ZNF808: variants seen among roughly 807,000 people sequenced by gnomAD.
ZNF808 encodes zinc finger protein 808.
In ZNF808, 5 loss-of-function variants were observed where a neutral mutation model predicts 8.7. The observed-to-expected ratio is 0.58, with a 90% CI of 0.30 to 1.21. ZNF808 has a LOEUF of 1.21. Ranked by LOEUF, ZNF808 falls within the 50% of genes most tolerant of loss-of-function variation. ZNF808 has a pLI of 0.07. For missense variants in ZNF808, 1,103 were observed against 1,098.4 expected, an observed-to-expected ratio of 1.00 and a Z score of -0.06; for synonymous variants, 380 against 366.0, an observed-to-expected ratio of 1.04 and a Z score of -0.44.
At position 52,553,674 on chromosome 19, in the gene ZNF808, A is replaced by T. The variant is rs748881965; in HGVS notation, c.758A>T (p.His253Leu). The T allele has an allele frequency of 6.2e-7, 1 of 1,614,078 alleles. No homozygotes were observed. The highest frequency in any genetic ancestry group is 1.3e-5 in the African/African-American group (1 of 74,946). Reference protein sequence around the residue: ...SSLLRKHQIPHLGDKQYKCDV... With the variant: ...SSLLRKHQIPLLGDKQYKCDV... ...CTCTTAAGGAAACACCAGATACCCC[A>T]TTTAGGAGACAAACAATATAAATGT... Residue 253 changes from histidine (H) to leucine (L), a missense_variant, in exon 5 of 5, where the codon CAT becomes CTT. Physicochemically the swap from His to Leu is moderately conservative, Grantham distance 99. Transcript: ENST00000359798.
intron 4 of ZNF808, among the ~76,000 whole-genome samples, chr19:52,552,011 T>C (rs919125757): frequency 7.3e-5 from 11 of 151,294 alleles, no homozygotes; most frequent in African/African-American, 2.4e-4. Context: ...ACAATAAAAA[T>C]GGAAACAAAT....
At chr19:52,564,884 A>G (rs945179719), downstream of ZNF808, among the ~76,000 whole-genome samples, 1 of 152,106 alleles carries the variant, frequency 6.6e-6, no homozygotes, top group African/African-American at 2.4e-5. Context: ...CGGGAGATTG[A>G]GACCATCCTG....
intron 4 of ZNF808, among the ~76,000 whole-genome samples, chr19:52,552,273 T>C (rs559194016): frequency 6.8e-4 from 103 of 152,136 alleles, no homozygotes; most frequent in African/African-American, 2.2e-3. Flanking sequence ...CTTCTCGGCC[T>C]CCCAAAGTGC....
intron 3 of ZNF808, among the ~76,000 whole-genome samples, chr19:52,544,419 C>T (rs367975328): frequency 1.3e-5 from 2 of 151,964 alleles, no homozygotes; most frequent in Admixed American, 6.6e-5. Flanking sequence ...CAACCTCCCC[C>T]TCCCAGTTTC....
intron 3 of ZNF808, among the ~76,000 whole-genome samples, chr19:52,544,769 G>A (rs1477319731): frequency 6.6e-6 from 1 of 152,098 alleles, no homozygotes; most frequent in African/African-American, 2.4e-5. Context: ...CCAAATGGGA[G>A]ACAGCCAGCT....
At chr19:52,561,577 C>A (rs1375803871) in intron 3 of ZNF808, among the ~76,000 whole-genome samples, 1 of 147,752 alleles carries the variant, frequency 6.8e-6, no homozygotes, top group African/African-American at 2.5e-5. Context: ...GACGGAGTTT[C>A]GTTCTTGTTT....
intron 1 of ZNF808, among the ~76,000 whole-genome samples, chr19:52,530,429 A>G (rs1274395020): frequency 6.6e-6 from 1 of 151,132 alleles, no homozygotes; most frequent in Non-Finnish European, 1.5e-5. Context: ...GTTGGGAGAC[A>G]GAGGTGGGTG....
downstream of ZNF808, among the ~76,000 whole-genome samples, chr19:52,559,629 C>T (rs904913586): frequency 2.6e-5 from 4 of 152,116 alleles, no homozygotes; most frequent in Non-Finnish European, 4.4e-5. Flanking sequence ...ACGAGAAATG[C>T]CCACAGGTGT....
At chr19:52,534,724 A>G (rs535623822) in intron 2 of ZNF808, among the ~76,000 whole-genome samples, 2 of 151,954 alleles carry the variant, frequency 1.3e-5, no homozygotes, top group African/African-American at 2.4e-5. Context: ...CCCCGTCTCT[A>G]CCAAAAATAT....
intron 2 of ZNF808, among the ~76,000 whole-genome samples, chr19:52,537,958 TG>T (rs2059629431): frequency 6.9e-6 from 1 of 144,978 alleles, no homozygotes; most frequent in Non-Finnish European, 1.5e-5. Context: ...TTTCCCATGG[TG>T]GGGTAGGAAG....
chr19:52,536,996 G>A (rs1458279882), intron 2 of ZNF808, among the ~76,000 whole-genome samples: 3 of 130,702 alleles, frequency 2.3e-5, no homozygotes, highest in Non-Finnish European at 4.7e-5. Context: ...AGACCAGCCT[G>A]ACCAACATGG....
At position 52,555,045 on chromosome 19, in the gene ZNF808, A is replaced by G. The variant is rs771661300; in HGVS notation, c.2129A>G (p.Asn710Ser). 14 of 1,613,882 alleles carry G rather than the reference A, an allele frequency of 8.7e-6. No homozygotes were observed. The highest frequency in any genetic ancestry group is 1.2e-5 in the Non-Finnish European group (14 of 1,180,006). ...IHSGMKPYKC[N>S]ECSKTFSNRS... is the part of the protein sequence containing the mutation. The stretch of plus-strand genomic sequence containing the variant: ...AGTGGAATGAAACCTTACAAGTGTA[A>G]TGAGTGCAGCAAGACCTTCAGTAAC... The change falls in exon 5 of 5, where the codon AAT (asparagine) becomes AGT (serine). Residue 710 changes from asparagine (N) to serine (S), a missense_variant. Transcript: ENST00000359798.
At chr19:52,548,685 A>C (rs1415852000) in intron 4 of ZNF808, among the ~76,000 whole-genome samples, 2 of 152,160 alleles carry the variant, frequency 1.3e-5, no homozygotes, top group African/African-American at 4.8e-5. Context: ...TTGGATTCCC[A>C]AAGTGCTGGG....
At chr19:52,537,498 G>A (rs2059624927) in intron 2 of ZNF808, among the ~76,000 whole-genome samples, 2 of 152,052 alleles carry the variant, frequency 1.3e-5, no homozygotes, top group Non-Finnish European at 2.9e-5. Flanking sequence ...ACCAGCCTAG[G>A]CAAAATAGAC....
chr19:52,537,881 T>A (rs1221217401), intron 2 of ZNF808, among the ~76,000 whole-genome samples: 1 of 152,212 alleles, frequency 6.6e-6, no homozygotes, highest in Non-Finnish European at 1.5e-5. Context: ...TATCAGAGGT[T>A]AGCTTCCACT....
intron 2 of ZNF808, among the ~76,000 whole-genome samples, chr19:52,535,625 G>A (rs911730879): frequency 2.0e-5 from 3 of 152,220 alleles, no homozygotes; most frequent in Non-Finnish European, 2.9e-5. Flanking sequence ...TGAGCACAGG[G>A]TGGACCCTCC....
chr19:52,530,349 C>T (rs2059550254), intron 1 of ZNF808, among the ~76,000 whole-genome samples: 1 of 152,102 alleles, frequency 6.6e-6, no homozygotes, highest in Non-Finnish European at 1.5e-5. Flanking sequence ...CGTGAGCCAC[C>T]ACTCTCAACC....
At chr19:52,547,732 C>T (rs1254497428) in intron 4 of ZNF808, 94 bp downstream of exon 4, 11 of 1,471,554 alleles carry the variant, frequency 7.5e-6, no homozygotes, top group Non-Finnish European at 3.6e-6. Context: ...TTGCCCCATC[C>T]ATGCTGGTTT....
rs576785872 is a variant in ZNF808, at chr19:52,556,029, T to C, written c.*401T>C. 7.3e-5 allele frequency: 39 copies of C among 537,226 alleles called. No homozygotes were observed. The highest frequency in any genetic ancestry group is 6.1e-4 in the African/African-American group (32 of 52,270). The allele number at this position is 537,226 out of a possible 1,614,324, so 33.3% of individuals were successfully genotyped here. A position where few individuals can be genotyped will look rare whatever the true frequency, so the allele number is the denominator to read the frequency against. On this transcript the variant is annotated 3_prime_UTR_variant, in exon 5 of 5. Transcript: ENST00000359798. ...TGCAGAACATGAGAAAATTCATTTT[T>C]GAGATAACTGTTCCCAATGCAGTGA...
Sources: allele counts gnomAD v4.1 joint callset (sites outside exome capture counted in the v4.1 genomes callset), GRCh38; gene constraint gnomAD v4.1.1; transcripts MANE v1.5; gene names NCBI Gene and HGNC (gene_info 2026-07-23, HGNC 2026-07-21).